The following PCDHGA4 variants were observed in gnomAD, a reference collection of about 807,000 sequenced individuals.
The protein encoded by PCDHGA4 is protocadherin gamma-A4.
PCDHGA4 carries 38 observed loss-of-function variants against 54.6 expected under a neutral mutation model. That is an observed-to-expected ratio of 0.70 (90% CI 0.54 to 0.91). The LOEUF is 0.91. PCDHGA4 is among the 40% of genes least tolerant of loss of function. PCDHGA4 has a pLI of 0.00. For missense variants in PCDHGA4, 1,298 were observed against 1,220.9 expected (o/e 1.06, Z -0.94); for synonymous variants, 511 against 512.9 (o/e 1.00, Z 0.05).
At position 141,491,257 on chromosome 5, in the gene PCDHGA4, G is replaced by GAAAT. The variant is rs1562145331; in HGVS notation, c.2515-3549_2515-3546dup. On this transcript the variant is annotated intron_variant, in intron 1 of 3. Transcript: ENST00000571252. The surrounding 1 kb of genome is among the most constrained non-coding windows in gnomAD (Gnocchi z 6.9). ...GGTTCTGGAGGATGAGGACCCTGAG[G>GAAAT]AAATGCCCAAATCCAGTGACTTCCT... is the stretch of plus-strand genomic sequence containing the variant. 6.2e-7 allele frequency: 1 copy of GAAAT among 1,614,170 alleles called. No individual in the cohort carries two copies. Among genetic ancestry groups the GAAAT allele is most frequent in the East Asian group, 2.2e-5 (1 of 44,884 alleles).
At chr5:141,483,761 GA>G (rs1376816525) in intron 1 of PCDHGA4, among the ~76,000 whole-genome samples, 1 of 152,118 alleles carries the variant, frequency 6.6e-6, no homozygotes, top group African/African-American at 2.4e-5. Flanking sequence ...TCGAGGCTTG[GA>G]AAAATATTGG....
At chr5:141,404,000 A>G (rs758512396) in intron 1 of PCDHGA4, 1 of 1,613,956 alleles carries the variant, frequency 6.2e-7, no homozygotes. Flanking sequence ...AGTGACCATT[A>G]CATCTCTGTT....
rs768342539 is a variant in PCDHGA4, at chr5:141,356,087, C to A, written c.980C>A (p.Ser327Tyr). Residue 327 changes from serine (S) to tyrosine (Y), a missense_variant, in exon 1 of 4, where the codon TCT (serine) becomes TAT (tyrosine). Physicochemically the swap from Ser to Tyr is moderately radical, Grantham distance 144. Coordinates refer to ENST00000571252, the MANE Select transcript of PCDHGA4 (RefSeq NM_018917.4). Reference sequence around the variant, plus strand: ...ATATCACAGCTATTTCAGTTGAATTCTCTGAGTGGGGATATAACAATATTG... The same window carrying A: ...ATATCACAGCTATTTCAGTTGAATTATCTGAGTGGGGATATAACAATATTG... ...DKISQLFQLN[S>Y]LSGDITILGG... 3.7e-6 allele frequency: 6 copies of A among 1,613,760 alleles called. No individual in the cohort carries two copies. The East Asian group carries it at 8.9e-5, about 24-fold the overall frequency.
At chr5:141,507,865 T>C (rs2099864402) in intron 3 of PCDHGA4, among the ~76,000 whole-genome samples, 1 of 152,128 alleles carries the variant, frequency 6.6e-6, no homozygotes. Context: ...CACACCCGCT[T>C]CCTAGCCCTG....
intron 1 of PCDHGA4, among the ~76,000 whole-genome samples, chr5:141,434,049 A>G (rs868088310): frequency 2.0e-5 from 3 of 152,116 alleles, no homozygotes; most frequent in Non-Finnish European, 2.9e-5. Flanking sequence ...ATTTTATTCA[A>G]TGGCCTGTAA....
chr5:141,436,287 T>A (rs565612572), intron 1 of PCDHGA4, among the ~76,000 whole-genome samples: 1 of 152,262 alleles, frequency 6.6e-6, no homozygotes, highest in Admixed American at 6.5e-5. Context: ...TAGGAACAAA[T>A]CATTGAGAGT....
chr5:141,472,980 C>CAAAAAAAAAAAAAAAAAAAA (rs60579131), intron 1 of PCDHGA4, among the ~76,000 whole-genome samples: 7 of 86,088 alleles, frequency 8.1e-5, no homozygotes, highest in South Asian at 4.3e-4. Flanking sequence ...GAGTGAAACT[C>CAAAAAAAAAAAAAAAAAAAA]AAAAAAAAAA....
At chr5:141,375,926 G>T (rs1450226627) in intron 1 of PCDHGA4, 1 of 1,613,758 alleles carries the variant, frequency 6.2e-7, no homozygotes, top group South Asian at 1.1e-5. Flanking sequence ...CAGCGAGCCA[G>T]GACTTTTCTC....
chr5:141,374,678 A>G (rs753625335), intron 1 of PCDHGA4: 1 of 1,610,496 alleles, frequency 6.2e-7, no homozygotes, highest in African/African-American at 1.3e-5. Context: ...GCTGGAGGGC[A>G]CACTGGACCG....
intron 3 of PCDHGA4, among the ~76,000 whole-genome samples, chr5:141,509,056 G>A (rs1303823294): frequency 1.3e-5 from 2 of 152,178 alleles, no homozygotes; most frequent in Admixed American, 6.5e-5. Context: ...CCCCCAGAAA[G>A]CTCTCAGCTC....
intron 1 of PCDHGA4, among the ~76,000 whole-genome samples, chr5:141,438,454 T>C (rs2097961593): frequency 6.6e-6 from 1 of 151,734 alleles, no homozygotes; most frequent in Admixed American, 6.6e-5. Flanking sequence ...AATACAATGC[T>C]TGAGTTCAAT....
chr5:141,403,189 G>A (rs1234686339), intron 1 of PCDHGA4: 2 of 1,613,860 alleles, frequency 1.2e-6, no homozygotes, highest in South Asian at 1.1e-5. Flanking sequence ...CTCTGAACCC[G>A]CGCAGCGGCA....
intron 1 of PCDHGA4, among the ~76,000 whole-genome samples, chr5:141,433,573 C>T (rs1400327372): frequency 1.3e-5 from 2 of 152,046 alleles, no homozygotes; most frequent in Admixed American, 1.3e-4. Flanking sequence ...CGGTGGCTCA[C>T]GCCTGTAATC....
intron 1 of PCDHGA4, among the ~76,000 whole-genome samples, chr5:141,449,041 C>T (rs998143732): frequency 3.3e-5 from 5 of 152,126 alleles, no homozygotes; most frequent in Admixed American, 3.3e-4. Flanking sequence ...GATTATTAAC[C>T]AGTCTCATAA....
intron 1 of PCDHGA4, among the ~76,000 whole-genome samples, chr5:141,437,490 A>C (rs549866784): frequency 6.6e-6 from 1 of 152,190 alleles, no homozygotes; most frequent in African/African-American, 2.4e-5. Flanking sequence ...AATCTCGTAG[A>C]TCACTTTTCA....
At chr5:141,382,649 T>C (rs1778342764) in intron 1 of PCDHGA4, 5 of 404,024 alleles carry the variant, frequency 1.2e-5, no homozygotes, top group Admixed American at 8.0e-5. Flanking sequence ...AGTAACTTAG[T>C]AAGGACTCAC....
intron 1 of PCDHGA4, chr5:141,409,515 T>C (rs1273041163): frequency 5.0e-6 from 8 of 1,613,844 alleles, no homozygotes; most frequent in Non-Finnish European, 6.8e-6. Context: ...AGTAGAAGCA[T>C]CACCTTGTAT....
At chr5:141,371,345 T>TG (rs1178665977) in intron 1 of PCDHGA4, 1 of 1,613,878 alleles carries the variant, frequency 6.2e-7, no homozygotes, top group Non-Finnish European at 8.5e-7. Context: ...GCTACACAAT[T>TG]GGGGTGGAAG....
In PCDHGA4 at chr5:141,432,958, A is replaced by C; in HGVS notation, c.2515-61849A>C. 6.2e-7 allele frequency: 1 copy of C among 1,614,182 alleles called. No individual in the cohort carries two copies. Among genetic ancestry groups the C allele is most frequent in the African/African-American group, 1.3e-5 (1 of 75,056 alleles). On this transcript the variant is annotated intron_variant, in intron 1 of 3. Transcript: ENST00000571252. This position sits in a 1 kb window ranked among gnomAD's most constrained non-coding sequence, Gnocchi z 6.0. ...TGCAGGCTTCAGGAGGCGGCTTGAC[A>C]GGAGCGCCGGCGTCGCACTTTGTGG...
Sources: gnomAD v4.1 joint callset for allele counts (sites outside exome capture counted in the v4.1 genomes callset) on GRCh38, gnomAD v4.1.1 for gene constraint, Gnocchi (gnomAD v3.1) non-coding constraint, MANE v1.5 for transcripts, NCBI Gene and HGNC (gene_info 2026-07-23, HGNC 2026-07-21) for gene names.